Variants in TMEM117 observed in about 807,000 individuals in gnomAD.
TMEM117 encodes the protein transmembrane protein 117.
A neutral mutation model predicts 52.4 loss-of-function variants in TMEM117; 27 were observed. The ratio of observed to expected loss-of-function variants is 0.51; its 90% confidence interval spans 0.38 to 0.71. TMEM117 has a LOEUF of 0.71. TMEM117 is among the 30% of genes least tolerant of loss of function. The pLI, the probability that TMEM117 is intolerant of heterozygous loss-of-function variation, is 0.00. For missense variants in TMEM117, 556 were observed against 630.5 expected, an observed-to-expected ratio of 0.88 and a Z score of 1.26; for synonymous variants, 215 against 206.3, an observed-to-expected ratio of 1.04 and a Z score of -0.36.
At position 44,236,980 on chromosome 12, in the gene TMEM117, T is replaced by C. The variant is rs567339140; in HGVS notation, c.608+25593T>C. 5.5e-4 allele frequency among the ~76,000 whole-genome samples: 83 copies of C among 152,208 alleles called. 1 individual carries two copies. In the South Asian group the frequency reaches 0.01, roughly 19 times the overall value. The stretch of plus-strand genomic sequence containing the variant: ...CCTTGTGGATAATTCAGCTTTCATT[T>C]TGAATCATGAGCGGTTCAAGGTTGC... On this transcript the variant is annotated intron_variant, in intron 5 of 7. Transcript: ENST00000266534.
the TMEM117 span, among the ~76,000 whole-genome samples, chr12:43,829,963 C>T: frequency 1.8e-3 from 280 of 151,656 alleles, 3 homozygotes; most frequent in African/African-American, 6.4e-3. Context: ...TGGTGCGTGC[C>T]GATAGTCCCA....
At chr12:44,051,307 A>G (rs1946967647) in intron 3 of TMEM117, among the ~76,000 whole-genome samples, 1 of 152,134 alleles carries the variant, frequency 6.6e-6, no homozygotes, top group Non-Finnish European at 1.5e-5. Context: ...GGAGGATACT[A>G]ATAATAATAA....
At chr12:44,125,236 C>G (rs1025555918) in intron 3 of TMEM117, among the ~76,000 whole-genome samples, 1 of 152,154 alleles carries the variant, frequency 6.6e-6, no homozygotes, top group Non-Finnish European at 1.5e-5. Flanking sequence ...TCCGGAGTAC[C>G]TGGGACTACA....
chr12:43,809,179 C>T, the TMEM117 span, among the ~76,000 whole-genome samples: 1 of 152,134 alleles, frequency 6.6e-6, no homozygotes, highest in Non-Finnish European at 1.5e-5. Context: ...GTGTATAGTG[C>T]ATATACACAG....
chr12:43,934,229 T>C (rs1242726813), intron 2 of TMEM117, among the ~76,000 whole-genome samples: 1 of 152,172 alleles, frequency 6.6e-6, no homozygotes, highest in African/African-American at 2.4e-5. Context: ...TTCTTTTTAT[T>C]TGATGGCTAA....
upstream of TMEM117, among the ~76,000 whole-genome samples, chr12:43,832,152 C>T (rs1433673613): frequency 6.6e-6 from 1 of 152,144 alleles, no homozygotes; most frequent in Non-Finnish European, 1.5e-5. Flanking sequence ...TCTATCTGTA[C>T]CCTTTGAAAA....
chr12:43,815,453 A>G, the TMEM117 span, among the ~76,000 whole-genome samples: 1 of 152,216 alleles, frequency 6.6e-6, no homozygotes, highest in Non-Finnish European at 1.5e-5. Flanking sequence ...CAGCTGTCTG[A>G]GGAACTGATG....
intron 3 of TMEM117, among the ~76,000 whole-genome samples, chr12:43,993,441 G>A (rs1411065629): frequency 1.3e-5 from 2 of 152,016 alleles, no homozygotes; most frequent in Non-Finnish European, 2.9e-5. Flanking sequence ...CTCTTTCAAG[G>A]GACAGATTAC....
At chr12:44,279,480 T>A (rs187014709) in intron 5 of TMEM117, among the ~76,000 whole-genome samples, 1 of 152,098 alleles carries the variant, frequency 6.6e-6, no homozygotes, top group Admixed American at 6.6e-5. Context: ...GAAACTATAT[T>A]TACATCCAAG....
chr12:43,922,258 A>G (rs1266309572), intron 2 of TMEM117, among the ~76,000 whole-genome samples: 1 of 152,102 alleles, frequency 6.6e-6, no homozygotes, highest in African/African-American at 2.4e-5. Context: ...TCTAAATAGA[A>G]AGGGATATAA....
chr12:44,039,079 C>T (rs1354706300), intron 3 of TMEM117, among the ~76,000 whole-genome samples: 1 of 152,134 alleles, frequency 6.6e-6, no homozygotes, highest in Non-Finnish European at 1.5e-5. Flanking sequence ...AATTTTAATG[C>T]AGTTGAATTC....
chr12:44,086,584 A>T (rs1947570867), intron 3 of TMEM117, among the ~76,000 whole-genome samples: 1 of 152,034 alleles, frequency 6.6e-6, no homozygotes, highest in Non-Finnish European at 1.5e-5. Context: ...TTTGTTCTGC[A>T]TGCTGGCCTT....
intron 3 of TMEM117, among the ~76,000 whole-genome samples, chr12:44,063,769 A>T (rs842199): frequency 0.33 from 49,975 of 151,724 alleles, 13,053 homozygotes; most frequent in African/African-American, 0.73. Flanking sequence ...ATTTCATACT[A>T]AGAAGATGTT....
In TMEM117 at chr12:43,863,058, G is replaced by T. The variant is rs373034633; in HGVS notation, c.277+18130G>T. Among the ~76,000 whole-genome samples, 5 of 152,104 alleles carry T rather than the reference G, an allele frequency of 3.3e-5. No individual in the cohort carries two copies. The East Asian group carries it at 5.8e-4, about 18-fold the overall frequency. ...ACCTGTAATTCTAGCATTTCAGGAG[G>T]CCTGTGGTGAAACCCTGTCTCTACT... is the stretch of plus-strand genomic sequence containing the variant. On this transcript the variant is annotated intron_variant, in intron 2 of 7. Coordinates refer to ENST00000266534, the MANE Select transcript of TMEM117 (RefSeq NM_032256.3).
chr12:43,889,289 G>A (rs1244127526), intron 2 of TMEM117, among the ~76,000 whole-genome samples: 1 of 152,138 alleles, frequency 6.6e-6, no homozygotes, highest in African/African-American at 2.4e-5. Flanking sequence ...CACCATGTTG[G>A]CCAGGCAGGT....
intron 5 of TMEM117, among the ~76,000 whole-genome samples, chr12:44,242,142 T>G: frequency 6.7e-6 from 1 of 149,668 alleles, no homozygotes; most frequent in East Asian, 1.9e-4. Flanking sequence ...TTTTTTTTTT[T>G]ACTTTTATTT....
intron 6 of TMEM117, among the ~76,000 whole-genome samples, chr12:44,358,065 C>T (rs986667228): frequency 9.2e-5 from 14 of 152,076 alleles, no homozygotes; most frequent in African/African-American, 3.1e-4. Flanking sequence ...TGAATTAACA[C>T]AGGAACAGGA....
intron 3 of TMEM117, among the ~76,000 whole-genome samples, chr12:44,099,933 T>C (rs1947834456): frequency 1.3e-5 from 2 of 151,398 alleles, no homozygotes; most frequent in African/African-American, 2.4e-5. Context: ...TGACCTGATA[T>C]TGCTTTAATG....
chr12:44,297,831 T>C (rs889344731), intron 5 of TMEM117, among the ~76,000 whole-genome samples: 4 of 152,196 alleles, frequency 2.6e-5, no homozygotes, highest in African/African-American at 9.7e-5. Flanking sequence ...CCACTATTCT[T>C]ATTACATAAT....
Sources: allele counts gnomAD v4.1 joint callset (sites outside exome capture counted in the v4.1 genomes callset), GRCh38; gene constraint gnomAD v4.1.1; transcripts MANE v1.5; gene names NCBI Gene and HGNC (gene_info 2026-07-23, HGNC 2026-07-21).